CELF4: variants seen among roughly 807,000 people sequenced by gnomAD.
CELF4 encodes the protein CUGBP Elav-like family member 4.
In CELF4, 18 loss-of-function variants were observed where a neutral mutation model predicts 59.9. The observed-to-expected ratio is 0.30, with a 90% CI of 0.21 to 0.45. The LOEUF is 0.45. Among genes scored for constraint, CELF4 ranks in the 20% least tolerant of loss-of-function variants. The pLI is 1.00. For synonymous variants in CELF4, 261 were observed against 267.1 expected (o/e 0.98, Z 0.22); for missense variants, 456 against 689.0 (o/e 0.66, Z 3.79).
chr18:37,328,543 A>G (rs970252999), intron 2 of CELF4, among the ~76,000 whole-genome samples: 1 of 152,224 alleles, frequency 6.6e-6, no homozygotes, highest in Non-Finnish European at 1.5e-5. Flanking sequence ...CTGGAGACAC[A>G]GATTCATATC....
intron 11 of CELF4, among the ~76,000 whole-genome samples, chr18:37,255,495 A>C (rs1422032631): frequency 6.6e-6 from 1 of 151,302 alleles, no homozygotes; most frequent in Non-Finnish European, 1.5e-5. Flanking sequence ...AAATATAGAT[A>C]CCAGAATAAA....
chr18:37,301,306 C>A (rs761895719), intron 3 of CELF4, among the ~76,000 whole-genome samples: 44 of 152,324 alleles, frequency 2.9e-4, no homozygotes, highest in Non-Finnish European at 5.9e-4. Context: ...GCTGCCACAG[C>A]CCCCTGTCCC....
chr18:37,273,899 C>G, intron 6 of CELF4: 1 of 1,022,694 alleles, frequency 9.8e-7, no homozygotes, highest in South Asian at 4.0e-5. Flanking sequence ...TCACAGGAGC[C>G]CTGCCAGGAG....
chr18:37,501,291 G>A (rs1438842989), intron 1 of CELF4, among the ~76,000 whole-genome samples: 1 of 152,220 alleles, frequency 6.6e-6, no homozygotes, highest in Non-Finnish European at 1.5e-5. Context: ...GGTTGATGTG[G>A]GAAAGTTCCA....
At chr18:37,550,084 G>T (rs996265377) in intron 1 of CELF4, among the ~76,000 whole-genome samples, 7 of 58,796 alleles carry the variant, frequency 1.2e-4, no homozygotes, top group African/African-American at 9.1e-4. Context: ...TCCAATGGGT[G>T]GGGGGGGGGG....
intron 3 of CELF4, chr18:37,275,866 C>T (rs1346534378): frequency 6.6e-6 from 1 of 152,490 alleles, no homozygotes; most frequent in Non-Finnish European, 1.5e-5. Context: ...TTGTGGGTTT[C>T]CGTATAGCTC....
rs1568963458 is a variant in CELF4 at position 37,254,389 on chromosome 18, G to A, written c.1334-451C>T. Reference sequence around the variant, plus strand: ...CGCGGGCACAGGGTGCCGGCCTGGGGAGAGAGACGAGTGCGAGGGGCCGGG... The same window carrying A: ...CGCGGGCACAGGGTGCCGGCCTGGGAAGAGAGACGAGTGCGAGGGGCCGGG... On this transcript the variant is annotated intron_variant, in intron 11 of 12. Coordinates refer to ENST00000420428, the MANE Select transcript of CELF4 (RefSeq NM_020180.4). This position sits in a 1 kb window ranked among gnomAD's most constrained non-coding sequence, Gnocchi z 5.1. Among the ~76,000 whole-genome samples, 1 of 151,910 alleles carries A rather than the reference G, an allele frequency of 6.6e-6. No individual in the cohort carries two copies. The highest frequency in any genetic ancestry group is 1.5e-5 in the Non-Finnish European group (1 of 67,934).
chr18:37,317,618 A>C (rs2096912765), intron 3 of CELF4, among the ~76,000 whole-genome samples: 1 of 152,098 alleles, frequency 6.6e-6, no homozygotes, highest in African/African-American at 2.4e-5. Context: ...TGCTCCAGCC[A>C]AGCACTCAGC....
At chr18:37,531,123 C>G (rs1180501793) in intron 1 of CELF4, among the ~76,000 whole-genome samples, 1 of 152,070 alleles carries the variant, frequency 6.6e-6, no homozygotes, top group East Asian at 1.9e-4. Context: ...AGCCTCAGGC[C>G]AGGACAAGGT....
At chr18:37,275,544 G>T (rs2093027291) in intron 3 of CELF4, 1 of 409,856 alleles carries the variant, frequency 2.4e-6, no homozygotes, top group Non-Finnish European at 4.6e-6. Context: ...TGCAGGGCAG[G>T]CTGCACCCTG....
chr18:37,452,689 C>T (rs2154601751), intron 2 of CELF4, among the ~76,000 whole-genome samples: 1 of 152,190 alleles, frequency 6.6e-6, no homozygotes, highest in South Asian at 2.1e-4. Flanking sequence ...TCTTACAGAC[C>T]CTGGTTAGTA....
rs2099933353 is a variant in CELF4, at chr18:37,502,835, A to G, written c.287-17228T>C. On this transcript the variant is annotated intron_variant, in intron 1 of 12. Coordinates refer to ENST00000420428, the MANE Select transcript of CELF4 (RefSeq NM_020180.4). ...TCACCTCGTCCAGGCAGCCCTCCCA[A>G]GCCCTCTAGGTAGCGCTGATTCCCT... Among the ~76,000 whole-genome samples, 3 of 152,134 alleles carry G rather than the reference A, an allele frequency of 2.0e-5. No individual in the cohort carries two copies. The South Asian group carries it at 6.2e-4, about 32-fold the overall frequency.
chr18:37,366,210 G>T (rs1215250968), intron 2 of CELF4, among the ~76,000 whole-genome samples: 1 of 152,158 alleles, frequency 6.6e-6, no homozygotes, highest in Admixed American at 6.5e-5. Flanking sequence ...ACTCAACAGG[G>T]TAGGGCTGGG....
intron 2 of CELF4, among the ~76,000 whole-genome samples, chr18:37,356,183 G>A (rs1237501834): frequency 6.6e-6 from 1 of 152,186 alleles, no homozygotes; most frequent in Non-Finnish European, 1.5e-5. Flanking sequence ...GAACCACCAT[G>A]GGGCCATCAA....
intron 3 of CELF4, among the ~76,000 whole-genome samples, chr18:37,301,134 G>A (rs940906691): frequency 2.0e-5 from 3 of 152,182 alleles, no homozygotes; most frequent in Admixed American, 6.5e-5. Flanking sequence ...CTCCAAGTGG[G>A]CAGGGATGGA....
At chr18:37,539,991 G>A (rs2099976637) in intron 1 of CELF4, among the ~76,000 whole-genome samples, 1 of 152,178 alleles carries the variant, frequency 6.6e-6, no homozygotes, top group Non-Finnish European at 1.5e-5. Flanking sequence ...TTATAACAGT[G>A]CATATGCATT....
At chr18:37,390,742 T>C (rs1039670181) in intron 2 of CELF4, among the ~76,000 whole-genome samples, 1 of 132,166 alleles carries the variant, frequency 7.6e-6, no homozygotes, top group Non-Finnish European at 1.5e-5. Flanking sequence ...GGGTGGCACC[T>C]GAAGGTGGAC....
chr18:37,354,289 G>A (rs2154556294), intron 2 of CELF4, among the ~76,000 whole-genome samples: 1 of 152,118 alleles, frequency 6.6e-6, no homozygotes, highest in Admixed American at 6.5e-5. Context: ...CCAGGGCCAT[G>A]CAGAGTAAGG....
At chr18:37,382,103 C>T (rs1603632279) in intron 2 of CELF4, among the ~76,000 whole-genome samples, 1 of 152,306 alleles carries the variant, frequency 6.6e-6, no homozygotes, top group South Asian at 2.1e-4. Context: ...AAACAGCAAA[C>T]ATTTACTTAG....
Sources: gnomAD v4.1 joint callset for allele counts (sites outside exome capture counted in the v4.1 genomes callset) on GRCh38, gnomAD v4.1.1 for gene constraint, Gnocchi (gnomAD v3.1) non-coding constraint, MANE v1.5 for transcripts, NCBI Gene and HGNC (gene_info 2026-07-23, HGNC 2026-07-21) for gene names.